Variants in CAP1 observed in about 807,000 individuals in gnomAD.
CAP1 encodes adenylyl cyclase-associated protein 1.
A neutral mutation model predicts 58.2 loss-of-function variants in CAP1; 11 were observed. The observed-to-expected ratio is 0.19, with a 90% confidence interval of 0.12 to 0.31. CAP1 has a LOEUF of 0.31. CAP1 is among the 10% of genes least tolerant of loss of function. CAP1 has a pLI of 1.00. For missense variants in CAP1, 423 were observed against 587.5 expected, an observed-to-expected ratio of 0.72 and a Z score of 2.89; for synonymous variants, 183 against 213.8, an observed-to-expected ratio of 0.86 and a Z score of 1.26.
At chr1:40,042,387 G>A (rs1405302252) in intron 1 of CAP1, among the ~76,000 whole-genome samples, 1 of 152,228 alleles carries the variant, frequency 6.6e-6, no homozygotes, top group Non-Finnish European at 1.5e-5. Flanking sequence ...GTTCCAGGAG[G>A]AAATGGGAGG....
In CAP1 at chr1:40,070,519, C is replaced by T. The variant is rs201284624; in HGVS notation, c.1200+7C>T. On this transcript the variant is annotated splice_region_variant and intron_variant, in intron 11 of 12. Coordinates refer to ENST00000372805, the MANE Select transcript of CAP1 (RefSeq NM_006367.4). ...TAAGGATGTCAAAGTTCAGGTAACT[C>T]GATATTTTGGCTCCTTCTTTTTGTC... 8.7e-6 allele frequency: 14 copies of T among 1,608,478 alleles called. No homozygotes were observed. Among genetic ancestry groups the T allele is most frequent in the Non-Finnish European group, 9.4e-6 (11 of 1,175,066 alleles).
At chr1:40,042,579 T>C (rs1645888126) in intron 1 of CAP1, among the ~76,000 whole-genome samples, 1 of 152,176 alleles carries the variant, frequency 6.6e-6, no homozygotes, top group Non-Finnish European at 1.5e-5. Context: ...GTCAGGTCAG[T>C]CATATGTGGA....
chr1:40,061,699 A>T, intron 3 of CAP1, 36 bp from the exon 4 acceptor site: 3 of 1,555,864 alleles, frequency 1.9e-6, no homozygotes, highest in Non-Finnish European at 2.7e-6. Flanking sequence ...CTCTAGTTAT[A>T]ATGTGTCATC....
chr1:40,068,689 A>T (rs775780674), intron 8 of CAP1, among the ~76,000 whole-genome samples: 41 of 152,166 alleles, frequency 2.7e-4, no homozygotes, highest in Non-Finnish European at 8.8e-5. Flanking sequence ...TGGTGGAGAT[A>T]AAAAGGCCAT....
chr1:40,059,809 T>A (rs555018560), intron 2 of CAP1, among the ~76,000 whole-genome samples: 2 of 152,144 alleles, frequency 1.3e-5, no homozygotes, highest in African/African-American at 4.8e-5. Flanking sequence ...ATGTTAGCAC[T>A]AAAAAAAACC....
chr1:40,050,362 C>T (rs1438887965), intron 1 of CAP1, among the ~76,000 whole-genome samples: 1 of 151,952 alleles, frequency 6.6e-6, no homozygotes, highest in Non-Finnish European at 1.5e-5. Flanking sequence ...TCATTTTGTT[C>T]CAATATTTGG....
intron 6 of CAP1, 106 bp from the exon 7 acceptor site, chr1:40,066,109 A>C: frequency 1.5e-6 from 1 of 678,242 alleles, no homozygotes; most frequent in Non-Finnish European, 2.7e-6. Context: ...GAGCCTAAGA[A>C]ACACCACGGG....
At chr1:40,049,205 G>A in intron 1 of CAP1, among the ~76,000 whole-genome samples, 1 of 4,642 alleles carries the variant, frequency 2.2e-4, no homozygotes, top group African/African-American at 7.2e-4. Context: ...TTTTTTTTTT[G>A]AGACAGAGTG....
At position 40,064,534 on chromosome 1, in the gene CAP1, C is replaced by T; in HGVS notation, c.499C>T (p.Arg167Ter). ...TGATGCCGCCATGTTTTATACAAAC[C>T]GAGTCCTCAAAGAGTACAAAGATGT... ...MNDAAMFYTN[R>*]VLKEYKDVDK... Residue 167 changes from arginine (R) to a stop codon, truncating the protein, a stop_gained, in exon 6 of 13, where the codon CGA becomes TGA. Coordinates refer to ENST00000372805, the MANE Select transcript of CAP1 (RefSeq NM_006367.4). LOFTEE classifies it high-confidence loss of function. 3 of 1,613,342 alleles carry T rather than the reference C, an allele frequency of 1.9e-6. No individual in the cohort carries two copies. The highest frequency in any genetic ancestry group is 2.5e-6 in the Non-Finnish European group (3 of 1,179,702).
chr1:40,064,510 G>T lies in CAP1; in HGVS notation c.475G>T (p.Asp159Tyr). 1.2e-6 allele frequency: 2 copies of T among 1,613,952 alleles called. No individual in the cohort carries two copies. The highest frequency in any genetic ancestry group is 1.7e-6 in the Non-Finnish European group (2 of 1,179,936). ...TGGCCCTTATGTGAAAGAAATGAAT[G>T]ATGCCGCCATGTTTTATACAAACCG... ...KPGPYVKEMN[D>Y]AAMFYTNRVL... is the part of the protein sequence containing the mutation. Residue 159 changes from aspartate to tyrosine, a missense_variant, in exon 6 of 13, where the codon GAT becomes TAT. Physicochemically the swap from Asp to Tyr is radical, Grantham distance 160 (BLOSUM62 -3). Coordinates refer to ENST00000372805, the MANE Select transcript of CAP1 (RefSeq NM_006367.4).
intron 1 of CAP1, 53 bp from the exon 2 acceptor site, chr1:40,059,284 G>A (rs955888553): frequency 2.8e-6 from 3 of 1,058,524 alleles, no homozygotes; most frequent in Admixed American, 1.7e-5. Flanking sequence ...TTTTTTCTCT[G>A]TAGGTGCTAT....
At chr1:40,071,028 A>C (rs1367535803) in intron 12 of CAP1, 49 bp downstream of exon 12, 1 of 1,533,086 alleles carries the variant, frequency 6.5e-7, no homozygotes, top group Non-Finnish European at 8.8e-7. Context: ...GAAGGGACTG[A>C]AGATTTCTGG....
At chr1:40,052,772 C>A (rs1031309273) in intron 1 of CAP1, among the ~76,000 whole-genome samples, 1 of 151,944 alleles carries the variant, frequency 6.6e-6, no homozygotes. Flanking sequence ...AGTTGGCCTC[C>A]ATGGAGAAAA....
chr1:40,059,547 C>G (rs754656518), intron 2 of CAP1, 89 bp downstream of exon 2: 13 of 744,802 alleles, frequency 1.7e-5, no homozygotes, highest in Non-Finnish European at 2.6e-5. Context: ...GCTAACTTCC[C>G]AAAACTTAAT....
chr1:40,041,746 G>A (rs1167599114), intron 1 of CAP1, among the ~76,000 whole-genome samples: 1 of 152,222 alleles, frequency 6.6e-6, no homozygotes. Flanking sequence ...GGAGCTAGCA[G>A]TGTTTGCAGG....
At chr1:40,059,537 G>A (rs367714851) in intron 2 of CAP1, 79 bp downstream of exon 2, 14 of 816,944 alleles carry the variant, frequency 1.7e-5, no homozygotes, top group East Asian at 1.3e-4. Context: ...CTCCTTTGGC[G>A]CTAACTTCCC....
chr1:40,054,786 A>G (rs1646538720), intron 1 of CAP1, among the ~76,000 whole-genome samples: 1 of 152,112 alleles, frequency 6.6e-6, no homozygotes, highest in African/African-American at 2.4e-5. Flanking sequence ...AGATCATAGC[A>G]TGCGCCACCA....
At chr1:40,066,571 A>G (rs1647094908) in intron 7 of CAP1, among the ~76,000 whole-genome samples, 1 of 152,244 alleles carries the variant, frequency 6.6e-6, no homozygotes, top group African/African-American at 2.4e-5. Flanking sequence ...GTGCTGGAGC[A>G]GGAGACACAC....
chr1:40,051,330 G>C (rs1295047382), intron 1 of CAP1, among the ~76,000 whole-genome samples: 1 of 152,142 alleles, frequency 6.6e-6, no homozygotes, highest in Admixed American at 6.5e-5. Context: ...CAAGAGGACT[G>C]TTTGAGCCCA....
Sources: gnomAD v4.1 joint callset for allele counts (sites outside exome capture counted in the v4.1 genomes callset) on GRCh38, gnomAD v4.1.1 for gene constraint, MANE v1.5 for transcripts, NCBI Gene and HGNC (gene_info 2026-07-23, HGNC 2026-07-21) for gene names.